Variants in TLN2 observed in about 807,000 individuals in gnomAD.
The protein encoded by TLN2 is talin-2.
In TLN2, 118 loss-of-function variants were observed where a neutral mutation model predicts 294.7. That is an observed-to-expected ratio of 0.40 (90% CI 0.34 to 0.47). The LOEUF (loss-of-function observed/expected upper bound fraction) is 0.47. Among genes scored for constraint, TLN2 ranks in the 20% least tolerant of loss-of-function variants. The pLI, the probability that TLN2 is intolerant of heterozygous loss-of-function variation, is 0.84. For synonymous variants in TLN2, 1,431 were observed against 1,304.5 expected, an observed-to-expected ratio of 1.10 and a Z score of -2.09; for missense variants, 3,083 against 3,282.2, an observed-to-expected ratio of 0.94 and a Z score of 1.48.
chr15:62,656,141 G>C (rs1028456980), intron 8 of TLN2, 55 bp downstream of exon 8: 2 of 1,599,106 alleles, frequency 1.3e-6, no homozygotes, highest in Non-Finnish European at 1.7e-6. Flanking sequence ...GAAGCTCCTG[G>C]CTGTATCTTG....
At chr15:62,667,188 G>T (rs192105422) in intron 9 of TLN2, among the ~76,000 whole-genome samples, 10 of 152,122 alleles carry the variant, frequency 6.6e-5, no homozygotes, top group Non-Finnish European at 8.8e-5. Context: ...GGATGGTCTC[G>T]ATCTCCTGAC....
chr15:62,643,543 T>C (rs2051427107), intron 3 of TLN2, among the ~76,000 whole-genome samples: 1 of 151,830 alleles, frequency 6.6e-6, no homozygotes, highest in Non-Finnish European at 1.5e-5. Flanking sequence ...ATTTCTTGTC[T>C]GTTGAACACC....
At chr15:62,463,106 A>T (rs1168870505) in intron 1 of TLN2, among the ~76,000 whole-genome samples, 2 of 152,024 alleles carry the variant, frequency 1.3e-5, no homozygotes, top group Non-Finnish European at 2.9e-5. Context: ...ACTTCTTTGG[A>T]TGTTTTTCTA....
intron 3 of TLN2, chr15:62,644,677 G>C (rs1185775175): frequency 2.3e-6 from 1 of 434,084 alleles, no homozygotes; most frequent in African/African-American, 2.0e-5. Context: ...TGCCCTGCAG[G>C]GCTCCCTCCT....
At chr15:62,457,665 T>G (rs1379318847) in intron 1 of TLN2, among the ~76,000 whole-genome samples, 2 of 152,066 alleles carry the variant, frequency 1.3e-5, no homozygotes, top group Non-Finnish European at 2.9e-5. Flanking sequence ...TTTCCACATG[T>G]CTAGATGATA....
At chr15:62,703,106 T>A (rs934840994) in intron 19 of TLN2, among the ~76,000 whole-genome samples, 3 of 144,732 alleles carry the variant, frequency 2.1e-5, no homozygotes, top group Admixed American at 1.4e-4. Flanking sequence ...CTTTCCTGAT[T>A]TTTTTTTTTT....
chr15:62,693,719 T>C (rs985764090), intron 13 of TLN2, among the ~76,000 whole-genome samples: 1 of 152,186 alleles, frequency 6.6e-6, no homozygotes, highest in African/African-American at 2.4e-5. Flanking sequence ...TAATAGAATG[T>C]TAATATGTGC....
chr15:62,650,311 A>C, intron 5 of TLN2, 130 bp downstream of exon 5: 1 of 819,402 alleles, frequency 1.2e-6, no homozygotes, highest in Non-Finnish European at 1.9e-6. Context: ...GTACTTTGTA[A>C]GGGCTGTTCA....
rs143014368 is a variant in TLN2 at position 62,578,727 on chromosome 15, TATTGC to T, written c.-237-10958_-237-10954del. On this transcript the variant is annotated intron_variant, in intron 1 of 58. Transcript: ENST00000636159. Reference sequence around the variant, plus strand: ...TGGGGAGGGGGGTAAAGTCCACATTTATTGCAGGTGTGCTGTGCTCGTGTGTCCCT... The same window carrying T: ...TGGGGAGGGGGGTAAAGTCCACATTTAGGTGTGCTGTGCTCGTGTGTCCCT... Among the ~76,000 whole-genome samples, 804 of 152,170 alleles carry T rather than the reference TATTGC, an allele frequency of 5.3e-3. 9 individuals are homozygous for T. Among genetic ancestry groups the T allele is most frequent in the African/African-American group, 0.019 (771 of 41,508 alleles).
chr15:62,594,849 A>G (rs2046353719), intron 2 of TLN2, among the ~76,000 whole-genome samples: 1 of 152,220 alleles, frequency 6.6e-6, no homozygotes, highest in South Asian at 2.1e-4. Flanking sequence ...CTTAGGAAAC[A>G]AGAGTGAGGA....
At chr15:62,676,532 G>A (rs1451983488) in intron 11 of TLN2, among the ~76,000 whole-genome samples, 1 of 152,110 alleles carries the variant, frequency 6.6e-6, no homozygotes, top group African/African-American at 2.4e-5. Flanking sequence ...AATAATAACA[G>A]CAATAATGTT....
Position 62,738,117 on chromosome 15 carries a change from C to T in TLN2, c.3568-97C>T, listed in dbSNP as rs541785117. The T allele has an allele frequency of 1.6e-5, 23 of 1,441,202 alleles. 1 individual carries two copies. The highest frequency in any genetic ancestry group is 1.8e-4 in the Middle Eastern group (1 of 5,550). 89.3% of individuals were successfully genotyped at this position (1,441,202 alleles called of 1,614,324 possible). A position where few individuals can be genotyped will look rare whatever the true frequency, so the allele number is the denominator to read the frequency against. On this transcript the variant is annotated intron_variant, in intron 29 of 58. Transcript: ENST00000636159. ...CAGGTGGATGCTGGTGGGTCATTTC[C>T]GTATCTGCTTCAGCTCTGCATGTTT...
At chr15:62,586,124 C>T (rs950343429) in intron 1 of TLN2, among the ~76,000 whole-genome samples, 8 of 152,160 alleles carry the variant, frequency 5.3e-5, no homozygotes, top group East Asian at 1.9e-4. Context: ...CTAAATGCAA[C>T]GTTTTGTCTC....
intron 1 of TLN2, among the ~76,000 whole-genome samples, chr15:62,412,662 C>A (rs940158921): frequency 9.2e-5 from 14 of 152,126 alleles, no homozygotes; most frequent in Admixed American, 3.9e-4. Flanking sequence ...TACATCATAC[C>A]AGCAGTGGGT....
At chr15:62,810,848 T>C (rs2066634019) in intron 52 of TLN2, among the ~76,000 whole-genome samples, 1 of 152,190 alleles carries the variant, frequency 6.6e-6, no homozygotes, top group Admixed American at 6.5e-5. Context: ...ATCACTACCC[T>C]TGCTCTTACC....
At chr15:62,738,073 G>A (rs2061124695) in intron 29 of TLN2, 141 bp from the exon 30 acceptor site, 4 of 880,604 alleles carry the variant, frequency 4.5e-6, no homozygotes, top group African/African-American at 3.3e-5. Context: ...ATGAGGTGAT[G>A]TAAGACAGGT....
intron 1 of TLN2, among the ~76,000 whole-genome samples, chr15:62,556,336 T>G (rs1245474898): frequency 1.3e-5 from 2 of 152,066 alleles, no homozygotes; most frequent in Non-Finnish European, 2.9e-5. Flanking sequence ...TTACAGGGTC[T>G]CACTTTGTCA....
At chr15:62,663,346 A>T (rs2054125906) in intron 9 of TLN2, among the ~76,000 whole-genome samples, 1 of 152,130 alleles carries the variant, frequency 6.6e-6, no homozygotes, top group African/African-American at 2.4e-5. Context: ...AAGTATGATA[A>T]TTAATAGTTT....
chr15:62,698,600 C>T lies in TLN2; in HGVS notation c.1474-154C>T, dbSNP rs2058517363. Among the ~76,000 whole-genome samples the T allele has an allele frequency of 5.9e-5, 9 of 152,322 alleles. No homozygotes were observed. In the South Asian group the frequency reaches 1.9e-3, roughly 32 times the overall value. On this transcript the variant is annotated intron_variant, in intron 15 of 58. Transcript: ENST00000636159. ...TAATGCAGTATCTATTTCTGGCCTCCAGGTTGAAATGGGAGATGGTTGAGG... is the reference window on the plus strand; with the variant it reads ...TAATGCAGTATCTATTTCTGGCCTCTAGGTTGAAATGGGAGATGGTTGAGG...
Sources: allele counts gnomAD v4.1 joint callset (sites outside exome capture counted in the v4.1 genomes callset), GRCh38; gene constraint gnomAD v4.1.1; transcripts MANE v1.5; gene names NCBI Gene and HGNC (gene_info 2026-07-23, HGNC 2026-07-21).